Variants in RAB8B observed in about 807,000 individuals in gnomAD.
RAB8B encodes the protein RAB8B, member RAS oncogene family.
RAB8B carries 11 observed loss-of-function variants against 32.0 expected under a neutral mutation model. That is an observed-to-expected ratio of 0.34 (90% confidence interval 0.22 to 0.57). The LOEUF (loss-of-function observed/expected upper bound fraction) is 0.57, where lower values mean the gene tolerates loss of function less well. RAB8B is among the 20% of genes least tolerant of loss of function. The pLI, the probability that RAB8B is intolerant of heterozygous loss-of-function variation, is 0.86. For synonymous variants in RAB8B, 103 were observed against 89.6 expected, an observed-to-expected ratio of 1.15 and a Z score of -0.85; for missense variants, 190 against 258.5, an observed-to-expected ratio of 0.73 and a Z score of 1.82.
At chr15:63,240,972 G>A (rs183172281) in intron 1 of RAB8B, among the ~76,000 whole-genome samples, 186 of 152,284 alleles carry the variant, frequency 1.2e-3, no homozygotes, top group Non-Finnish European at 2.1e-3. Context: ...AAGAACAGGC[G>A]TTACTACTTT....
At chr15:63,216,859 C>CA (rs36022071) in intron 1 of RAB8B, among the ~76,000 whole-genome samples, 1,720 of 58,982 alleles carry the variant, frequency 0.029, 23 homozygotes, top group African/African-American at 0.087. Context: ...GACTCTGTCT[C>CA]AAAAAAAAAA....
At chr15:63,262,314 T>A (rs1468257837) in intron 6 of RAB8B, among the ~76,000 whole-genome samples, 2 of 152,066 alleles carry the variant, frequency 1.3e-5, no homozygotes, top group Admixed American at 1.3e-4. Flanking sequence ...GAAGAAAATA[T>A]TTGATGAATG....
intron 1 of RAB8B, among the ~76,000 whole-genome samples, chr15:63,220,878 A>G (rs1432480381): frequency 6.6e-6 from 1 of 152,198 alleles, no homozygotes; most frequent in Non-Finnish European, 1.5e-5. Flanking sequence ...AACATTTATC[A>G]GGCACTTATT....
chr15:63,219,394 A>G (rs1324566166), intron 1 of RAB8B, among the ~76,000 whole-genome samples: 1 of 151,476 alleles, frequency 6.6e-6, no homozygotes, highest in East Asian at 1.9e-4. Flanking sequence ...TGTTTTCAAT[A>G]TGGGTTGCAA....
Position 63,244,777 on chromosome 15 carries a change from C to T in RAB8B, c.146C>T (p.Thr49Met), listed in dbSNP as rs867264287. Residue 49 changes from threonine (T) to methionine (M), a missense_variant, in exon 2 of 8, where the codon ACG becomes ATG. Thr to Met is a moderately conservative substitution (Grantham distance 81). Transcript: ENST00000321437. ...STIGIDFKIR[T>M]IELDGKKIKL... is the part of the protein sequence containing the mutation. ...GCAGGAATTGATTTTAAAATTAGAA[C>T]GATAGAACTAGATGGAAAGAAAATT... The T allele has an allele frequency of 5.1e-6, 8 of 1,579,636 alleles. No homozygotes were observed. Among genetic ancestry groups the T allele is most frequent in the African/African-American group, 1.4e-5 (1 of 73,828 alleles).
intron 1 of RAB8B, among the ~76,000 whole-genome samples, chr15:63,226,814 T>G (rs2037892082): frequency 6.6e-6 from 1 of 152,020 alleles, no homozygotes; most frequent in African/African-American, 2.4e-5. Context: ...AGAAAGTAAA[T>G]GAGTAAAAGA....
At chr15:63,209,835 T>A (rs994637875) in intron 1 of RAB8B, among the ~76,000 whole-genome samples, 26 of 152,094 alleles carry the variant, frequency 1.7e-4, no homozygotes, top group Non-Finnish European at 4.4e-5. Flanking sequence ...TGTGCCATGG[T>A]GGTTTGCTGT....
chr15:63,217,723 G>A (rs1360857102), intron 1 of RAB8B, among the ~76,000 whole-genome samples: 1 of 152,094 alleles, frequency 6.6e-6, no homozygotes, highest in Non-Finnish European at 1.5e-5. Context: ...TTTAATTTGA[G>A]GAAAATCTAA....
rs1338482765 is a variant in RAB8B at position 63,266,138 on chromosome 15, G to GT, written c.*2526dup. 6.6e-6 allele frequency: 1 copy of GT among 152,530 alleles called. No individual in the cohort carries two copies. The highest frequency in any genetic ancestry group is 1.9e-4 in the East Asian group (1 of 5,198). The allele number at this position is 152,530 out of a possible 1,614,324, so 9.4% of individuals were successfully genotyped here. On this transcript the variant is annotated 3_prime_UTR_variant, in exon 8 of 8. Transcript: ENST00000321437. ...TCCCCGCTGAAACTGAAGAAATCTA[G>GT]TTTTTTTGTGAACATTTTTGTGGTC...
intron 4 of RAB8B, among the ~76,000 whole-genome samples, chr15:63,255,890 G>C (rs16946702): frequency 0.019 from 2,912 of 152,304 alleles, 39 homozygotes; most frequent in South Asian, 0.048. Context: ...TGCTCATACA[G>C]CCTTTAAAAA....
chr15:63,260,471 TAGG>T (rs571921199), intron 6 of RAB8B, among the ~76,000 whole-genome samples: 153 of 152,324 alleles, frequency 1.0e-3, no homozygotes, highest in Non-Finnish European at 1.6e-3. Flanking sequence ...TTAGTGGAAA[TAGG>T]AAAGTGTTTA....
At chr15:63,254,638 C>T (rs902840985) in intron 3 of RAB8B, among the ~76,000 whole-genome samples, 8 of 151,924 alleles carry the variant, frequency 5.3e-5, no homozygotes, top group South Asian at 2.1e-4. Flanking sequence ...ATGGGCTGGG[C>T]GCGGTGGCTC....
intron 1 of RAB8B, among the ~76,000 whole-genome samples, chr15:63,194,172 A>G (rs1595731215): frequency 6.6e-6 from 1 of 152,154 alleles, no homozygotes; most frequent in Non-Finnish European, 1.5e-5. Context: ...GATATTATCT[A>G]CTTTATTCCT....
chr15:63,250,705 G>A (rs1408437269), intron 3 of RAB8B, among the ~76,000 whole-genome samples: 1 of 151,324 alleles, frequency 6.6e-6, no homozygotes, highest in Non-Finnish European at 1.5e-5. Context: ...GCCAGGCCCA[G>A]ACCACGGCTT....
At chr15:63,225,524 T>C in intron 1 of RAB8B, among the ~76,000 whole-genome samples, 1 of 152,250 alleles carries the variant, frequency 6.6e-6, no homozygotes, top group Admixed American at 6.5e-5. Flanking sequence ...TACTTGCTTC[T>C]GGAAATGACA....
rs2038090936 is a variant in RAB8B at position 63,248,668 on chromosome 15, C to G, written c.186-977C>G. ...GCCCACCCTAATGGGCTGTGGTAGA[C>G]ATCACGTGAGTGCAGTGTGAAAGTA... is the stretch of plus-strand genomic sequence containing the variant. On this transcript the variant is annotated intron_variant, in intron 2 of 7. Coordinates refer to ENST00000321437, the MANE Select transcript of RAB8B (RefSeq NM_016530.3). This position sits in a 1 kb window ranked among gnomAD's most constrained non-coding sequence, Gnocchi z 4.4. Among the ~76,000 whole-genome samples, 1 of 152,192 alleles carries G rather than the reference C, an allele frequency of 6.6e-6. No homozygotes were observed. The highest frequency in any genetic ancestry group is 1.9e-4 in the East Asian group (1 of 5,200).
At chr15:63,240,316 G>C (rs971161758) in intron 1 of RAB8B, among the ~76,000 whole-genome samples, 1 of 152,142 alleles carries the variant, frequency 6.6e-6, no homozygotes, top group African/African-American at 2.4e-5. Flanking sequence ...GAGCTGTAGG[G>C]TTATAGACTG....
At chr15:63,242,866 G>A (rs1047289157) in intron 1 of RAB8B, among the ~76,000 whole-genome samples, 1 of 152,058 alleles carries the variant, frequency 6.6e-6, no homozygotes, top group African/African-American at 2.4e-5. Flanking sequence ...GGAGGTGGTG[G>A]TGGTGTGGGG....
intron 1 of RAB8B, among the ~76,000 whole-genome samples, chr15:63,230,401 G>C (rs1449332962): frequency 1.3e-5 from 2 of 151,782 alleles, no homozygotes; most frequent in Non-Finnish European, 2.9e-5. Context: ...TCCCGGGTTC[G>C]AGGAATTCTC....
Sources: gnomAD v4.1 joint callset for allele counts (sites outside exome capture counted in the v4.1 genomes callset) on GRCh38, gnomAD v4.1.1 for gene constraint, Gnocchi (gnomAD v3.1) non-coding constraint, MANE v1.5 for transcripts, NCBI Gene and HGNC (gene_info 2026-07-23, HGNC 2026-07-21) for gene names.